Variants in RSU1 observed in about 807,000 individuals in gnomAD.
RSU1 encodes rsu-1.
RSU1 carries 26 observed loss-of-function variants against 31.1 expected under a neutral mutation model. The ratio of observed to expected loss-of-function variants is 0.84; its 90% CI spans 0.61 to 1.16. The LOEUF (loss-of-function observed/expected upper bound fraction) is 1.16. Ranked by LOEUF, RSU1 falls within the 50% of genes most tolerant of loss-of-function variation. The pLI is 0.00. For synonymous variants in RSU1, 164 were observed against 136.3 expected (o/e 1.20, Z -1.41); for missense variants, 320 against 339.1 (o/e 0.94, Z 0.44).
At chr10:16,736,371 G>T (rs1041150183) in intron 7 of RSU1, among the ~76,000 whole-genome samples, 2 of 152,196 alleles carry the variant, frequency 1.3e-5, no homozygotes, top group African/African-American at 4.8e-5. Flanking sequence ...TGATCAGCCA[G>T]AGAGTAACGA....
At position 16,706,025 on chromosome 10, in the gene RSU1, G is replaced by A. The variant is rs74836426; in HGVS notation, c.599-10870C>T. On this transcript the variant is annotated intron_variant, in intron 7 of 8. Transcript: ENST00000345264. Reference sequence around the variant, plus strand: ...GGGCCAAATGTAAACACCATATTTTGCTTATCCATTCATCTGTTGATGTAC... The same window carrying A: ...GGGCCAAATGTAAACACCATATTTTACTTATCCATTCATCTGTTGATGTAC... Among the ~76,000 whole-genome samples, 33 of 152,244 alleles carry A rather than the reference G, an allele frequency of 2.2e-4. No individual in the cohort carries two copies. The East Asian group carries it at 6.0e-3, about 28-fold the overall frequency.
chr10:16,750,072 G>A (rs1235503374), intron 7 of RSU1, among the ~76,000 whole-genome samples: 1 of 152,044 alleles, frequency 6.6e-6, no homozygotes, highest in Admixed American at 6.6e-5. Context: ...TAATTCTTAC[G>A]ATAATTATAG....
intron 7 of RSU1, among the ~76,000 whole-genome samples, chr10:16,749,835 G>C (rs1488566361): frequency 6.6e-6 from 1 of 152,216 alleles, no homozygotes; most frequent in South Asian, 2.1e-4. Flanking sequence ...CTTTTCGGGA[G>C]AGTGTGCTGG....
At chr10:16,600,665 G>A (rs1244319713) in intron 8 of RSU1, among the ~76,000 whole-genome samples, 5 of 151,664 alleles carry the variant, frequency 3.3e-5, no homozygotes, top group Non-Finnish European at 4.4e-5. Context: ...GTGCTCAAGC[G>A]ATCCTCCTGC....
chr10:16,759,048 G>A (rs1296111658), intron 4 of RSU1, among the ~76,000 whole-genome samples: 47 of 152,152 alleles, frequency 3.1e-4, no homozygotes, highest in Non-Finnish European at 6.6e-4. Context: ...GTCTTCTAAA[G>A]CCCCAGAAAG....
chr10:16,724,268 AC>A (rs1294955963), intron 7 of RSU1, among the ~76,000 whole-genome samples: 1 of 152,206 alleles, frequency 6.6e-6, no homozygotes, highest in Non-Finnish European at 1.5e-5. Flanking sequence ...ACAGGAAGGA[AC>A]AAAAACATTT....
chr10:16,786,624 T>G (rs1238207097), intron 2 of RSU1, among the ~76,000 whole-genome samples: 1 of 152,142 alleles, frequency 6.6e-6, no homozygotes, highest in Non-Finnish European at 1.5e-5. Context: ...ACACCTGTAC[T>G]GATTTCACTG....
intron 7 of RSU1, among the ~76,000 whole-genome samples, chr10:16,716,057 T>C (rs1205122053): frequency 6.6e-6 from 1 of 152,212 alleles, no homozygotes; most frequent in Non-Finnish European, 1.5e-5. Flanking sequence ...CTCATGTAAG[T>C]ATATGTTGAA....
chr10:16,634,379 C>T (rs190357739), intron 8 of RSU1, among the ~76,000 whole-genome samples: 215 of 152,286 alleles, frequency 1.4e-3, no homozygotes, highest in Admixed American at 2.4e-3. Flanking sequence ...ACAGTGGATG[C>T]GCAACCTTTT....
intron 8 of RSU1, among the ~76,000 whole-genome samples, chr10:16,624,152 T>G (rs1426915953): frequency 6.6e-6 from 1 of 152,136 alleles, no homozygotes; most frequent in African/African-American, 2.4e-5. Flanking sequence ...CTTTGACCAC[T>G]TCCCCGCCCT....
intron 7 of RSU1, among the ~76,000 whole-genome samples, chr10:16,698,626 G>A (rs1329136867): frequency 6.6e-6 from 1 of 152,140 alleles, no homozygotes; most frequent in Non-Finnish European, 1.5e-5. Context: ...TCAATCCCAA[G>A]TGATGTCTCT....
intron 7 of RSU1, among the ~76,000 whole-genome samples, chr10:16,707,539 A>T (rs1397437011): frequency 6.8e-6 from 1 of 146,492 alleles, no homozygotes; most frequent in Non-Finnish European, 1.5e-5. Context: ...ACACATGTCT[A>T]TTAAGGTAGT....
intron 3 of RSU1, among the ~76,000 whole-genome samples, chr10:16,769,121 C>T (rs1436963811): frequency 6.6e-6 from 1 of 152,242 alleles, no homozygotes; most frequent in Non-Finnish European, 1.5e-5. Context: ...GTCTCCCCTC[C>T]ATAGGAAGAA....
intron 5 of RSU1, among the ~76,000 whole-genome samples, chr10:16,753,624 T>G (rs988932957): frequency 2.6e-5 from 4 of 152,120 alleles, no homozygotes; most frequent in African/African-American, 9.7e-5. Flanking sequence ...AAATCCTAAC[T>G]TAAGGAGAAT....
intron 8 of RSU1, among the ~76,000 whole-genome samples, chr10:16,662,225 C>A (rs145504425): frequency 6.6e-6 from 1 of 152,186 alleles, no homozygotes; most frequent in African/African-American, 2.4e-5. Context: ...ATTGGCACTC[C>A]TATTTTTACA....
intron 2 of RSU1, among the ~76,000 whole-genome samples, chr10:16,815,169 A>G (rs541271652): frequency 2.6e-5 from 4 of 152,362 alleles, no homozygotes; most frequent in Non-Finnish European, 4.4e-5. Context: ...CCAATTCCAG[A>G]GGCATCTGCT....
intron 8 of RSU1, among the ~76,000 whole-genome samples, chr10:16,597,776 T>G (rs1281715594): frequency 1.3e-5 from 2 of 152,140 alleles, no homozygotes; most frequent in Non-Finnish European, 2.9e-5. Flanking sequence ...GGAACAAAGG[T>G]TTTAATCCTT....
At chr10:16,730,707 T>C (rs1205706882) in intron 7 of RSU1, among the ~76,000 whole-genome samples, 1 of 152,150 alleles carries the variant, frequency 6.6e-6, no homozygotes, top group African/African-American at 2.4e-5. Context: ...AAATAAAAAG[T>C]AGAAAAATAA....
At chr10:16,700,246 A>G (rs1835763140) in intron 7 of RSU1, among the ~76,000 whole-genome samples, 1 of 152,192 alleles carries the variant, frequency 6.6e-6, no homozygotes, top group African/African-American at 2.4e-5. Context: ...ATTTCAAAAT[A>G]GTACCACAGA....
Sources: allele counts gnomAD v4.1 joint callset (sites outside exome capture counted in the v4.1 genomes callset), GRCh38; gene constraint gnomAD v4.1.1; transcripts MANE v1.5; gene names NCBI Gene and HGNC (gene_info 2026-07-23, HGNC 2026-07-21).